The following KDM4C variants were observed in gnomAD, a reference collection of about 807,000 sequenced individuals.
The protein encoded by KDM4C is lysine demethylase 4C.
A neutral mutation model predicts 129.3 loss-of-function variants in KDM4C; 81 were observed. That is an observed-to-expected ratio of 0.63 (90% CI 0.52 to 0.75). KDM4C has a LOEUF of 0.75. Ranked by LOEUF, KDM4C falls within the 30% of genes least tolerant of loss-of-function variation. The pLI, the probability that KDM4C is intolerant of heterozygous loss-of-function variation, is 0.00. For synonymous variants in KDM4C, 573 were observed against 456.1 expected, an observed-to-expected ratio of 1.26 and a Z score of -3.26; for missense variants, 1,457 against 1,304.0, an observed-to-expected ratio of 1.12 and a Z score of -1.81.
At position 7,011,828 on chromosome 9, in the gene KDM4C, C is replaced by A. The variant is rs1314890877; in HGVS notation, c.1917C>A (p.Ala639=). ...AGCAAGAGTATAATGCAACAGTGGC[C>A]AGGATGAAGCCACACTGTGCCATCT... ...AAEQEYNATV[A]RMKPHCAICT... is the part of the protein sequence containing the mutation. Residue 639 remains alanine, a synonymous_variant, in exon 13 of 22, where the codon GCC becomes GCA. Coordinates refer to ENST00000381309, the MANE Select transcript of KDM4C (RefSeq NM_015061.6). 6.2e-7 allele frequency: 1 copy of A among 1,614,026 alleles called. No homozygotes were observed. The highest frequency in any genetic ancestry group is 1.1e-5 in the South Asian group (1 of 91,076).
chr9:6,842,569 C>T (rs1339099961), intron 4 of KDM4C, among the ~76,000 whole-genome samples: 1 of 151,974 alleles, frequency 6.6e-6, no homozygotes, highest in East Asian at 1.9e-4. Context: ...GAACTGACCC[C>T]AGGTGATCCG....
At chr9:7,037,804 T>C (rs540052405) in intron 15 of KDM4C, among the ~76,000 whole-genome samples, 101 of 152,272 alleles carry the variant, frequency 6.6e-4, no homozygotes, top group African/African-American at 2.3e-3. Flanking sequence ...AGCTGCCTTA[T>C]AGAGTAATCA....
chr9:6,910,245 T>C (rs542245233), intron 8 of KDM4C, among the ~76,000 whole-genome samples: 1 of 152,302 alleles, frequency 6.6e-6, no homozygotes, highest in African/African-American at 2.4e-5. Flanking sequence ...TACATTAATA[T>C]ATAAAGAAAT....
At position 6,763,093 on chromosome 9, in the gene KDM4C, C is replaced by T. The variant is rs543873538; in HGVS notation, c.-18+4890C>T. Reference sequence around the variant, plus strand: ...TTACGATCTTCTAAATCCACACTTTCTGGGCCTAATCCTTTTCCCATACTA... The same window carrying T: ...TTACGATCTTCTAAATCCACACTTTTTGGGCCTAATCCTTTTCCCATACTA... On this transcript the variant is annotated intron_variant, in intron 1 of 21. Transcript: ENST00000381309. Among the ~76,000 whole-genome samples, 32 of 152,114 alleles carry T rather than the reference C, an allele frequency of 2.1e-4. No individual in the cohort carries two copies. The South Asian group carries it at 6.6e-3, about 32-fold the overall frequency.
intron 5 of KDM4C, among the ~76,000 whole-genome samples, chr9:6,876,580 C>T (rs1017022885): frequency 1.3e-5 from 2 of 152,202 alleles, no homozygotes; most frequent in East Asian, 3.8e-4. Flanking sequence ...TTCTTTCTCT[C>T]TCTTCTCATG....
intron 17 of KDM4C, among the ~76,000 whole-genome samples, chr9:7,080,217 C>G: frequency 6.6e-6 from 1 of 152,174 alleles, no homozygotes; most frequent in Non-Finnish European, 1.5e-5. Flanking sequence ...AAATATATTA[C>G]TCTCAGGTTT....
intron 17 of KDM4C, among the ~76,000 whole-genome samples, chr9:7,087,649 T>G (rs999245381): frequency 1.3e-5 from 2 of 152,198 alleles, no homozygotes; most frequent in Non-Finnish European, 2.9e-5. Flanking sequence ...GTTAAAATTC[T>G]GGAGGGAAAG....
At chr9:6,734,351 A>G (rs1817453135) in intron 1 of KDM4C, among the ~76,000 whole-genome samples, 1 of 145,132 alleles carries the variant, frequency 6.9e-6, no homozygotes, top group Admixed American at 7.2e-5. Context: ...CTGGAGTGCA[A>G]TGGCGTGGTC....
At chr9:7,078,592 GC>G (rs1337701199) in intron 17 of KDM4C, among the ~76,000 whole-genome samples, 1 of 152,062 alleles carries the variant, frequency 6.6e-6, no homozygotes, top group African/African-American at 2.4e-5. Flanking sequence ...TGCTAGCCAA[GC>G]CCAAGGTCTG....
intron 8 of KDM4C, among the ~76,000 whole-genome samples, chr9:6,958,125 A>G (rs968787623): frequency 1.1e-4 from 15 of 142,352 alleles, no homozygotes; most frequent in African/African-American, 3.9e-4. Flanking sequence ...TACTCTTTTT[A>G]TTGCAGGGAC....
At chr9:6,854,538 A>AAAC (rs1554720179) in intron 5 of KDM4C, among the ~76,000 whole-genome samples, 21 of 146,096 alleles carry the variant, frequency 1.4e-4, no homozygotes, top group Non-Finnish European at 3.0e-4. Flanking sequence ...AAAAAAAAAA[A>AAAC]AAAAAAACAA....
intron 15 of KDM4C, among the ~76,000 whole-genome samples, chr9:7,033,149 T>TC: frequency 6.6e-6 from 1 of 151,702 alleles, no homozygotes; most frequent in East Asian, 2.0e-4. Context: ...CTGGATTTTT[T>TC]TTTTTTTTTT....
intron 12 of KDM4C, among the ~76,000 whole-genome samples, chr9:7,004,818 T>C (rs1821357200): frequency 2.6e-5 from 4 of 152,190 alleles, no homozygotes. Flanking sequence ...TTAAACACAT[T>C]ACAGTGTTTA....
chr9:6,979,022 A>G (rs536905897), intron 8 of KDM4C, among the ~76,000 whole-genome samples: 5 of 152,124 alleles, frequency 3.3e-5, no homozygotes, highest in African/African-American at 7.2e-5. Context: ...GGATGTTGCA[A>G]TTGTAATCAT....
At chr9:7,168,627 T>C (rs900792179) in intron 20 of KDM4C, among the ~76,000 whole-genome samples, 6 of 147,640 alleles carry the variant, frequency 4.1e-5, no homozygotes, top group Non-Finnish European at 7.6e-5. Flanking sequence ...TTTTCACACA[T>C]TGATGAGGTT....
chr9:6,937,685 C>G (rs988359118), intron 8 of KDM4C, among the ~76,000 whole-genome samples: 3 of 152,016 alleles, frequency 2.0e-5, no homozygotes, highest in African/African-American at 4.8e-5. Flanking sequence ...TTTTTCTTCT[C>G]TCCTGTGGAA....
chr9:6,725,905 GTTTCTTTCTTTTCT>G (rs908135836), intron 1 of KDM4C, among the ~76,000 whole-genome samples: 18 of 135,672 alleles, frequency 1.3e-4, no homozygotes, highest in Non-Finnish European at 2.7e-4. Context: ...TAGAGATGGG[GTTTCTTTCTTTTCT>G]TTTCTTTCTT....
At chr9:7,059,297 C>T (rs1040633955) in intron 17 of KDM4C, among the ~76,000 whole-genome samples, 6 of 152,102 alleles carry the variant, frequency 3.9e-5, no homozygotes, top group African/African-American at 1.4e-4. Context: ...AAGATGAGGT[C>T]TGATTGTGTT....
intron 17 of KDM4C, among the ~76,000 whole-genome samples, chr9:7,072,090 G>A (rs961622071): frequency 2.7e-4 from 41 of 152,136 alleles, no homozygotes; most frequent in African/African-American, 9.9e-4. Flanking sequence ...AAAGCAAGTA[G>A]AACCACAATG....
Sources: gnomAD v4.1 joint callset for allele counts (sites outside exome capture counted in the v4.1 genomes callset) on GRCh38, gnomAD v4.1.1 for gene constraint, MANE v1.5 for transcripts, NCBI Gene and HGNC (gene_info 2026-07-23, HGNC 2026-07-21) for gene names.